STARD7: variants seen among roughly 807,000 people sequenced by gnomAD.
STARD7 encodes the protein StAR related lipid transfer domain containing 7, also known as stAR-related lipid transfer protein 7, mitochondrial.
STARD7 carries 30 observed loss-of-function variants against 45.3 expected under a neutral mutation model. The ratio of observed to expected loss-of-function variants is 0.66; its 90% CI spans 0.50 to 0.90. The LOEUF (loss-of-function observed/expected upper bound fraction) is 0.90, where lower values mean the gene tolerates loss of function less well. Among genes scored for constraint, STARD7 ranks in the 40% least tolerant of loss-of-function variants. STARD7 has a pLI of 0.00. For missense variants in STARD7, 495 were observed against 491.3 expected, an observed-to-expected ratio of 1.01 and a Z score of -0.07; for synonymous variants, 199 against 183.0, an observed-to-expected ratio of 1.09 and a Z score of -0.70.
At chr2:96,195,031 G>A (rs1179311282) in intron 2 of STARD7, 24 bp from the exon 3 acceptor site, 1 of 1,593,980 alleles carries the variant, frequency 6.3e-7, no homozygotes, top group South Asian at 1.1e-5. Context: ...AAAGAATAAG[G>A]GATGCTGGCC....
intron 1 of STARD7, 36 bp downstream of exon 1, chr2:96,208,109 C>A: frequency 1.3e-6 from 2 of 1,500,594 alleles, no homozygotes; most frequent in Non-Finnish European, 1.8e-6. Context: ...AGCCCCCCCA[C>A]CCCACGGCCC....
chr2:96,202,647 TAAA>T (rs1463205701), intron 1 of STARD7, among the ~76,000 whole-genome samples: 2 of 152,230 alleles, frequency 1.3e-5, no homozygotes, highest in Middle Eastern at 6.8e-3. Context: ...TGTCATTCTT[TAAA>T]AAAAATTTTT....
intron 1 of STARD7, among the ~76,000 whole-genome samples, chr2:96,203,802 A>C (rs1369839683): frequency 6.6e-6 from 1 of 152,068 alleles, no homozygotes; most frequent in African/African-American, 2.4e-5. Context: ...CTCTTCTAAA[A>C]ATAAACACAC....
chr2:96,195,970 G>A lies in STARD7; in HGVS notation c.291-421C>T, dbSNP rs533178151. Among the ~76,000 whole-genome samples, 6 of 151,790 alleles carry A rather than the reference G, an allele frequency of 4.0e-5. No homozygotes were observed. The East Asian group carries it at 7.7e-4, about 20-fold the overall frequency. On this transcript the variant is annotated intron_variant, in intron 1 of 7. Transcript: ENST00000337288. The stretch of plus-strand genomic sequence containing the variant: ...TCTACTACAAACACAAAAATTAACC[G>A]GGCATGGTGGCGCGCAACTGTAATC...
intron 1 of STARD7, among the ~76,000 whole-genome samples, chr2:96,198,396 G>A (rs1683257013): frequency 6.6e-6 from 1 of 152,034 alleles, no homozygotes; most frequent in Non-Finnish European, 1.5e-5. Flanking sequence ...ATTCTCTTGG[G>A]TAGATTCCTA....
chr2:96,192,511 T>C (rs375864479), intron 5 of STARD7, 43 bp from the exon 6 acceptor site: 69 of 1,463,390 alleles, frequency 4.7e-5, no homozygotes, highest in Non-Finnish European at 5.8e-5. Flanking sequence ...GTAATGTCTA[T>C]ATATAAAACA....
chr2:96,199,565 CCTTA>C (rs150993612), intron 1 of STARD7, among the ~76,000 whole-genome samples: 62 of 152,222 alleles, frequency 4.1e-4, no homozygotes, highest in African/African-American at 1.4e-3. Context: ...TCTGTAGATT[CCTTA>C]CTATTTTCTA....
intron 1 of STARD7, among the ~76,000 whole-genome samples, chr2:96,199,020 T>G (rs1254485801): frequency 6.6e-6 from 1 of 152,204 alleles, no homozygotes; most frequent in African/African-American, 2.4e-5. Flanking sequence ...ACTCTCAATT[T>G]TATTCTAACA....
rs778843349 is a variant in STARD7, at chr2:96,193,194, C to T, written c.661-34G>A. On this transcript the variant is annotated intron_variant, in intron 4 of 7. Coordinates refer to ENST00000337288, the MANE Select transcript of STARD7 (RefSeq NM_020151.4). ...ATGGAGGAGCAGGATTAGTGTTCTG[C>T]ATCACACAAACCTGGACAGAAATAA... 4 of 1,596,236 alleles carry T rather than the reference C, an allele frequency of 2.5e-6. No individual in the cohort carries two copies. In the South Asian group the frequency reaches 4.4e-5, roughly 18 times the overall value.
chr2:96,197,120 A>AAC (rs1683233426), intron 1 of STARD7, among the ~76,000 whole-genome samples: 2 of 138,756 alleles, frequency 1.4e-5, no homozygotes, highest in East Asian at 2.7e-4. Context: ...ATAAAATAAA[A>AAC]TAAAGCCAAG....
intron 1 of STARD7, among the ~76,000 whole-genome samples, chr2:96,200,857 A>C (rs1435310348): frequency 6.6e-6 from 1 of 151,944 alleles, no homozygotes; most frequent in Non-Finnish European, 1.5e-5. Flanking sequence ...GCAACATTTA[A>C]AGAAAGGTTA....
intron 1 of STARD7, 105 bp from the exon 2 acceptor site, chr2:96,195,654 T>C (rs1683191225): frequency 2.5e-6 from 2 of 790,020 alleles, no homozygotes; most frequent in Non-Finnish European, 4.2e-6. Context: ...AACCACAGTA[T>C]GTAGTATATA....
intron 1 of STARD7, among the ~76,000 whole-genome samples, chr2:96,204,915 T>A (rs577729676): frequency 1.3e-5 from 2 of 152,322 alleles, no homozygotes. Context: ...TTACTCAAAT[T>A]TCTGGAGCAA....
At chr2:96,203,651 C>G (rs1481708938) in intron 1 of STARD7, among the ~76,000 whole-genome samples, 1 of 152,168 alleles carries the variant, frequency 6.6e-6, no homozygotes, top group Non-Finnish European at 1.5e-5. Flanking sequence ...TCTACTGATA[C>G]GGGACACACC....
chr2:96,186,857 T>A lies in STARD7; in HGVS notation c.986A>T (p.Glu329Val). The A allele has an allele frequency of 6.2e-7, 1 of 1,613,898 alleles. No homozygotes were observed. The highest frequency in any genetic ancestry group is 8.5e-7 in the Non-Finnish European group (1 of 1,179,830). Residue 329 changes from glutamate (E) to valine (V), a missense_variant, in exon 8 of 8, where the codon GAG (glutamate) becomes GTG (valine). Physicochemically the swap from Glu to Val is moderately radical, Grantham distance 121. This residue lies in a region of STARD7 where 213 missense variants were observed against 271.2 expected (regional missense o/e 0.79). Transcript: ENST00000337288. ...TGAGATGTAGTCCTTTACTTTAATC[T>A]CCATATTCTTGGCTTTCAGAGTGGC... ...HMATLKAKNM[E>V]IKVKDYISAK...
Position 96,208,773 on chromosome 2 carries a change from A to G in STARD7, c.-339T>C, listed in dbSNP as rs558656865. 22 of 410,144 alleles carry G rather than the reference A, an allele frequency of 5.4e-5. No homozygotes were observed. In the South Asian group the frequency reaches 1.3e-3, roughly 24 times the overall value. 25.4% of individuals were successfully genotyped at this position (410,144 alleles called of 1,614,324 possible). A position where few individuals can be genotyped will look rare whatever the true frequency, so the allele number is the denominator to read the frequency against. On this transcript the variant is annotated 5_prime_UTR_variant, in exon 1 of 8. Transcript: ENST00000337288. The stretch of plus-strand genomic sequence containing the variant: ...TGCAGGGCGCGCGGACAGAAACGAG[A>G]CAGACAGCTCAGGCCCAGCAGCACG...
At chr2:96,193,456 G>A (rs1323541289) in intron 3 of STARD7, 104 bp from the exon 4 acceptor site, 1 of 772,686 alleles carries the variant, frequency 1.3e-6, no homozygotes, top group Non-Finnish European at 2.3e-6. Context: ...TTATTACAAG[G>A]AGAGAGTAAT....
In STARD7 at chr2:96,195,370, A is replaced by C; in HGVS notation, c.470T>G (p.Ile157Ser). ...GTACTGGTAAAGGTGGGTGCCTGTA[A>C]TTGGGCGCCGCCACAGCTTAAAGTG... ...KKHFKLWRRP[I>S]TGTHLYQYRV... is the part of the protein sequence containing the mutation. The change falls in exon 2 of 8, where the codon ATT becomes AGT. Residue 157 changes from isoleucine (I) to serine (S), a missense_variant. Ile to Ser is a moderately radical substitution (Grantham distance 142). This residue lies in a region of STARD7 where 282 missense variants were observed against 220.1 expected (regional missense o/e 1.28). Coordinates refer to ENST00000337288, the MANE Select transcript of STARD7 (RefSeq NM_020151.4). 1 of 1,587,036 alleles carries C rather than the reference A, an allele frequency of 6.3e-7. No individual in the cohort carries two copies. The highest frequency in any genetic ancestry group is 8.6e-7 in the Non-Finnish European group (1 of 1,166,410).
intron 3 of STARD7, 38 bp downstream of exon 3, chr2:96,194,920 C>T: frequency 1.3e-6 from 2 of 1,566,328 alleles, no homozygotes; most frequent in South Asian, 1.2e-5. Flanking sequence ...AATTGATATG[C>T]TAGGAGGCTC....
Sources: gnomAD v4.1 joint callset for allele counts (sites outside exome capture counted in the v4.1 genomes callset) on GRCh38, gnomAD v4.1.1 for gene constraint, gnomAD v4.1.1 regional missense constraint, MANE v1.5 for transcripts, NCBI Gene and HGNC (gene_info 2026-07-23, HGNC 2026-07-21) for gene names.